URI1: variants seen among roughly 807,000 people sequenced by gnomAD.
URI1 encodes URI1 prefoldin like chaperone.
Under a neutral mutation model 60.2 loss-of-function variants are expected in URI1, and 39 were observed. That is an observed-to-expected ratio of 0.65 (90% CI 0.50 to 0.85). URI1 has a LOEUF of 0.85. Ranked by LOEUF, URI1 falls within the 40% of genes least tolerant of loss-of-function variation. The pLI is 0.00. For missense variants in URI1, 691 were observed against 665.9 expected (o/e 1.04, Z -0.42); for synonymous variants, 251 against 236.8 (o/e 1.06, Z -0.55).
intron 4 of URI1, among the ~76,000 whole-genome samples, chr19:30,001,253 A>G (rs1305252730): frequency 6.6e-6 from 1 of 151,912 alleles, no homozygotes; most frequent in Non-Finnish European, 1.5e-5. Context: ...CTGTGTGCAT[A>G]GGCAAGGTTT....
Position 29,942,431 on chromosome 19 carries a change from CGCGGGGCGCGCGGTGCCTGAGG to C in URI1, c.-111_-90del, listed in dbSNP as rs2055039343. On this transcript the variant is annotated 5_prime_UTR_variant, in exon 1 of 11. An upstream open reading frame in the 5' UTR loses its in-frame stop. Coordinates refer to ENST00000392271, the MANE Select transcript of URI1 (RefSeq NM_003796.3). ...GCGGCGGCGGGCGCGGCCTCCTGGG[CGCGGGGCGCGCGGTGCCTGAGG>C]GCGGGCGCGCGGGCGCTGGGCAACT... 2 of 984,718 alleles carry C rather than the reference CGCGGGGCGCGCGGTGCCTGAGG, an allele frequency of 2.0e-6. No individual in the cohort carries two copies. The highest frequency in any genetic ancestry group is 1.3e-4 in the Admixed American group (2 of 15,938). 61.0% of individuals were successfully genotyped at this position (984,718 alleles called of 1,614,324 possible). A position where few individuals can be genotyped will look rare whatever the true frequency, so the allele number is the denominator to read the frequency against.
chr19:29,949,527 C>A (rs1391283709), intron 1 of URI1, among the ~76,000 whole-genome samples: 2 of 152,218 alleles, frequency 1.3e-5, no homozygotes, highest in African/African-American at 4.8e-5. Flanking sequence ...GCAGAGGCTG[C>A]AATCTCGGCA....
At chr19:29,974,659 T>C (rs1414851951) in intron 2 of URI1, among the ~76,000 whole-genome samples, 2 of 152,160 alleles carry the variant, frequency 1.3e-5, no homozygotes, top group Admixed American at 1.3e-4. Context: ...TGCATGATGC[T>C]GAGATTTGAG....
chr19:29,964,459 GTTTTGTT>G, intron 1 of URI1, among the ~76,000 whole-genome samples: 1 of 133,386 alleles, frequency 7.5e-6, no homozygotes, highest in Non-Finnish European at 1.6e-5. Flanking sequence ...TTTGTTTTTT[GTTTTGTT>G]TTTTTTTTTT....
At chr19:29,959,066 C>T (rs2055288133) in intron 1 of URI1, among the ~76,000 whole-genome samples, 1 of 152,108 alleles carries the variant, frequency 6.6e-6, no homozygotes, top group South Asian at 2.1e-4. Context: ...CATGAAACAA[C>T]TCCCATTTTT....
intron 1 of URI1, among the ~76,000 whole-genome samples, chr19:29,967,303 G>A (rs1230068816): frequency 4.6e-5 from 7 of 152,020 alleles, no homozygotes; most frequent in African/African-American, 1.7e-4. Flanking sequence ...TTTTTGGATG[G>A]GCTGTCCATC....
rs377259131 is a variant in URI1, at chr19:29,951,879, C to A, written c.117+9215C>A. Among the ~76,000 whole-genome samples the A allele has an allele frequency of 2.6e-4, 40 of 152,224 alleles. No individual in the cohort carries two copies. In the East Asian group the frequency reaches 2.7e-3, roughly 10 times the overall value. On this transcript the variant is annotated intron_variant, in intron 1 of 10. Coordinates refer to ENST00000392271, the MANE Select transcript of URI1 (RefSeq NM_003796.3). Reference sequence around the variant, plus strand: ...TTCTTTTTTCATTATTTGATCGTTACCTTGCTTTCTGGCACAGGATGTTCC... The same window carrying A: ...TTCTTTTTTCATTATTTGATCGTTAACTTGCTTTCTGGCACAGGATGTTCC...
At chr19:29,938,929 G>C (rs1281399835), upstream of URI1, among the ~76,000 whole-genome samples, 4 of 150,398 alleles carry the variant, frequency 2.7e-5, no homozygotes, top group Non-Finnish European at 4.4e-5. Context: ...GCCCACCTCA[G>C]CCTCCCAAAG....
chr19:29,943,682 C>T (rs1259237738), intron 1 of URI1, among the ~76,000 whole-genome samples: 1 of 151,860 alleles, frequency 6.6e-6, no homozygotes, highest in Non-Finnish European at 1.5e-5. Context: ...TTAAAAAACC[C>T]TCGTTTGCTT....
intron 1 of URI1, among the ~76,000 whole-genome samples, chr19:29,933,831 A>G (rs2054943897): frequency 6.6e-6 from 1 of 151,996 alleles, no homozygotes; most frequent in Non-Finnish European, 1.5e-5. Flanking sequence ...CTTTAAAAAA[A>G]AAAAATCAAC....
At chr19:29,937,275 T>C (rs2054981885), upstream of URI1, among the ~76,000 whole-genome samples, 1 of 152,234 alleles carries the variant, frequency 6.6e-6, no homozygotes, top group Non-Finnish European at 1.5e-5. Flanking sequence ...TATTTGTTCA[T>C]ATATTATTTT....
intron 6 of URI1, among the ~76,000 whole-genome samples, chr19:30,006,328 C>T (rs968825672): frequency 6.6e-6 from 1 of 152,066 alleles, no homozygotes; most frequent in East Asian, 1.9e-4. Context: ...TTATTTGCTA[C>T]TGTAGAAGAC....
chr19:29,937,202 G>A lies in URI1; in HGVS notation c.63+13448G>A, dbSNP rs189098928. ...CTAAGTTCAAGCTATTGTACTTTTC[G>A]GCTCCAGGATTTCTATTTTGTTCCT... On this transcript the variant is annotated intron_variant, in intron 1 of 10. Coordinates refer to the URI1 transcript ENST00000360605. 8.2e-3 allele frequency among the ~76,000 whole-genome samples: 1,250 copies of A among 151,986 alleles called. 7 individuals are homozygous for A. The highest frequency in any genetic ancestry group is 0.011 in the Non-Finnish European group (758 of 67,990).
At position 29,942,493 on chromosome 19, in the gene URI1, C is replaced by T. The variant is rs1161086380; in HGVS notation, c.-55C>T. The T allele has an allele frequency of 1.3e-5, 15 of 1,152,482 alleles. No homozygotes were observed. In the African/African-American group the frequency reaches 1.6e-4, roughly 13 times the overall value. The allele number at this position is 1,152,482 out of a possible 1,614,324, so 71.4% of individuals were successfully genotyped here. ...GCTGGGCAACTGCCGGCCGCGCCGCCTGCGCAGGCGCTGGTTCAGGACTCA... is the reference window on the plus strand; with the variant it reads ...GCTGGGCAACTGCCGGCCGCGCCGCTTGCGCAGGCGCTGGTTCAGGACTCA... On this transcript the variant is annotated 5_prime_UTR_variant, in exon 1 of 11. Coordinates refer to ENST00000392271, the MANE Select transcript of URI1 (RefSeq NM_003796.3).
exon 1 of URI1, chr19:29,923,743 G>T (rs2054842025): frequency 6.5e-7 from 1 of 1,536,768 alleles, no homozygotes; most frequent in Non-Finnish European, 8.7e-7. Flanking sequence ...GAGGGCTCTG[G>T]CATATGCATT....
intron 2 of URI1, among the ~76,000 whole-genome samples, chr19:29,980,917 A>C (rs1211024400): frequency 1.2e-5 from 1 of 83,044 alleles, no homozygotes; most frequent in African/African-American, 4.4e-5. Flanking sequence ...GTGAGACTCC[A>C]TCTCCAAAAA....
At chr19:29,971,891 T>A (rs1321186348) in intron 2 of URI1, among the ~76,000 whole-genome samples, 3 of 152,056 alleles carry the variant, frequency 2.0e-5, no homozygotes, top group Admixed American at 6.6e-5. Context: ...ATCCATGCTG[T>A]GCTTACGAAG....
intron 8 of URI1, among the ~76,000 whole-genome samples, 156 bp from the exon 9 acceptor site, chr19:30,010,938 T>A (rs1327875964): frequency 2.0e-5 from 3 of 152,192 alleles, no homozygotes; most frequent in African/African-American, 7.2e-5. Flanking sequence ...AAGGACTTTT[T>A]AAAAAATTCC....
At chr19:29,981,530 A>G (rs1817678385) in intron 2 of URI1, among the ~76,000 whole-genome samples, 1 of 151,852 alleles carries the variant, frequency 6.6e-6, no homozygotes, top group Non-Finnish European at 1.5e-5. Flanking sequence ...CAAAAGGCAT[A>G]TTGCACATGA....
Sources: allele counts gnomAD v4.1 joint callset (sites outside exome capture counted in the v4.1 genomes callset), GRCh38; gene constraint gnomAD v4.1.1; transcripts MANE v1.5; gene names NCBI Gene and HGNC (gene_info 2026-07-23, HGNC 2026-07-21).